GRID2: variants seen among roughly 807,000 people sequenced by gnomAD.
GRID2 encodes glutamate receptor ionotropic, delta-2.
A neutral mutation model predicts 114.8 loss-of-function variants in GRID2; 33 were observed. That is an observed-to-expected ratio of 0.29 (90% CI 0.22 to 0.38). The LOEUF (loss-of-function observed/expected upper bound fraction) is 0.38. GRID2 is among the 10% of genes least tolerant of loss of function. The pLI, the probability that GRID2 is intolerant of heterozygous loss-of-function variation, is 1.00. For missense variants in GRID2, 1,184 were observed against 1,257.7 expected (o/e 0.94, Z 0.89); for synonymous variants, 505 against 449.9 (o/e 1.12, Z -1.55).
chr4:92,676,928 A>G (rs959422223), intron 2 of GRID2, among the ~76,000 whole-genome samples: 2 of 152,318 alleles, frequency 1.3e-5, no homozygotes, highest in Admixed American at 6.5e-5. Context: ...ATATAATGCA[A>G]TATTATCCAG....
chr4:93,484,293 C>G (rs1482083020), intron 11 of GRID2, among the ~76,000 whole-genome samples: 1 of 151,882 alleles, frequency 6.6e-6, no homozygotes, highest in Non-Finnish European at 1.5e-5. Context: ...GGTAACCATC[C>G]ATGGGATCAT....
intron 2 of GRID2, among the ~76,000 whole-genome samples, chr4:92,622,726 C>CA (rs1342911351): frequency 1.3e-5 from 2 of 151,654 alleles, no homozygotes; most frequent in Non-Finnish European, 3.0e-5. Context: ...GAGAGTGCAT[C>CA]AAATTTTGAG....
chr4:93,796,531 C>T (rs1734805515), intron 1 of GRID2, among the ~76,000 whole-genome samples: 1 of 143,718 alleles, frequency 7.0e-6, no homozygotes, highest in South Asian at 2.2e-4. Flanking sequence ...TGGAAATGTA[C>T]TTCTTTTGTT....
intron 11 of GRID2, among the ~76,000 whole-genome samples, chr4:93,474,306 A>G (rs1725114537): frequency 6.6e-6 from 1 of 152,156 alleles, no homozygotes; most frequent in Non-Finnish European, 1.5e-5. Flanking sequence ...CTTACTTGTC[A>G]TTAGAATCTC....
chr4:92,491,160 AC>A (rs1021185532), intron 1 of GRID2, among the ~76,000 whole-genome samples: 17 of 152,142 alleles, frequency 1.1e-4, no homozygotes, highest in Non-Finnish European at 2.4e-4. Context: ...TTGCTGAATC[AC>A]TATTTTTGAA....
chr4:92,405,401 C>T (rs761064214), intron 1 of GRID2, among the ~76,000 whole-genome samples: 17 of 152,100 alleles, frequency 1.1e-4, no homozygotes, highest in Non-Finnish European at 2.1e-4. Flanking sequence ...TTAGCGGGGA[C>T]AGACGCTGAA....
intron 2 of GRID2, among the ~76,000 whole-genome samples, chr4:93,004,309 GT>G (rs1721290890): frequency 6.6e-6 from 1 of 151,680 alleles, no homozygotes; most frequent in African/African-American, 2.4e-5. Context: ...CGTGCCTATA[GT>G]TTCTTAGAGT....
chr4:93,128,320 A>T (rs995804477), intron 4 of GRID2, among the ~76,000 whole-genome samples: 1 of 152,116 alleles, frequency 6.6e-6, no homozygotes, highest in African/African-American at 2.4e-5. Context: ...GATTAAATGG[A>T]TTAATTTTAG....
intron 2 of GRID2, among the ~76,000 whole-genome samples, chr4:92,940,907 A>T (rs1487390058): frequency 6.6e-6 from 1 of 152,274 alleles, no homozygotes; most frequent in South Asian, 2.1e-4. Context: ...CTTGCATCCC[A>T]CGGATGAAGC....
chr4:93,603,890 GA>G (rs200523019), intron 13 of GRID2, among the ~76,000 whole-genome samples: 3 of 148,964 alleles, frequency 2.0e-5, no homozygotes, highest in South Asian at 2.1e-4. Flanking sequence ...CTACTGCTCA[GA>G]AAAAAAAAAC....
chr4:93,135,468 T>A (rs961680059), intron 4 of GRID2, among the ~76,000 whole-genome samples: 1 of 152,172 alleles, frequency 6.6e-6, no homozygotes, highest in Non-Finnish European at 1.5e-5. Context: ...AAGATAATAC[T>A]TTTTCACTTT....
At chr4:92,897,341 T>G (rs572398041) in intron 2 of GRID2, among the ~76,000 whole-genome samples, 50 of 152,294 alleles carry the variant, frequency 3.3e-4, no homozygotes, top group African/African-American at 1.1e-3. Flanking sequence ...ATTCAGATTT[T>G]AAGCCTGTGA....
At chr4:93,644,475 T>G (rs1433401062) in intron 14 of GRID2, among the ~76,000 whole-genome samples, 1 of 152,104 alleles carries the variant, frequency 6.6e-6, no homozygotes, top group Non-Finnish European at 1.5e-5. Context: ...TCCAAAATAG[T>G]GGTTTTGATA....
At chr4:92,668,162 C>T (rs1203698036) in intron 2 of GRID2, among the ~76,000 whole-genome samples, 1 of 151,704 alleles carries the variant, frequency 6.6e-6, no homozygotes, top group African/African-American at 2.4e-5. Context: ...GAAAATCAAG[C>T]TAATGGAGCA....
intron 8 of GRID2, among the ~76,000 whole-genome samples, chr4:93,361,416 G>A (rs550834387): frequency 6.6e-6 from 1 of 151,716 alleles, no homozygotes; most frequent in South Asian, 2.1e-4. Context: ...TTTCAGGGCT[G>A]TATGAAGTCT....
chr4:92,382,317 G>A (rs748606694), intron 1 of GRID2, among the ~76,000 whole-genome samples: 3 of 152,036 alleles, frequency 2.0e-5, no homozygotes, highest in Non-Finnish European at 4.4e-5. Context: ...GGGTGTGCTT[G>A]TTGGATAGCT....
intron 2 of GRID2, among the ~76,000 whole-genome samples, chr4:93,082,374 AGCT>A (rs1729947480): frequency 6.6e-6 from 1 of 152,156 alleles, no homozygotes; most frequent in African/African-American, 2.4e-5. Context: ...TTGGTTAGAG[AGCT>A]GGGTCATCTA....
intron 8 of GRID2, among the ~76,000 whole-genome samples, chr4:93,371,124 A>G (rs553945742): frequency 2.0e-5 from 3 of 152,204 alleles, no homozygotes; most frequent in Non-Finnish European, 4.4e-5. Flanking sequence ...AAATCCCAAA[A>G]TAGAATTGTT....
At chr4:92,624,603 C>T (rs1226088627) in intron 2 of GRID2, among the ~76,000 whole-genome samples, 11 of 151,664 alleles carry the variant, frequency 7.3e-5, no homozygotes, top group African/African-American at 2.4e-4. Flanking sequence ...TATGAGATAA[C>T]ATTACATTTA....
Sources: allele counts gnomAD v4.1 joint callset (sites outside exome capture counted in the v4.1 genomes callset), GRCh38; gene constraint gnomAD v4.1.1; transcripts MANE v1.5; gene names NCBI Gene and HGNC (gene_info 2026-07-23, HGNC 2026-07-21).